Variants in FBN2 observed in about 807,000 individuals in gnomAD.
FBN2 encodes fibrillin-2.
A neutral mutation model predicts 355.6 loss-of-function variants in FBN2; 105 were observed. The observed-to-expected ratio is 0.30, with a 90% confidence interval of 0.25 to 0.35. The LOEUF is 0.35. Ranked by LOEUF, FBN2 falls within the 10% of genes least tolerant of loss-of-function variation. The pLI, the probability that FBN2 is intolerant of heterozygous loss-of-function variation, is 1.00. For synonymous variants in FBN2, 1,350 were observed against 1,301.2 expected, an observed-to-expected ratio of 1.04 and a Z score of -0.81; for missense variants, 3,280 against 3,758.7, an observed-to-expected ratio of 0.87 and a Z score of 3.33.
intron 7 of FBN2, among the ~76,000 whole-genome samples, chr5:128,423,394 C>G (rs1320813309): frequency 6.6e-6 from 1 of 152,138 alleles, no homozygotes; most frequent in African/African-American, 2.4e-5. Flanking sequence ...TCACATCTTA[C>G]ATGGTAGCAG....
chr5:128,351,005 T>C lies in FBN2; in HGVS notation c.2675A>G (p.Asp892Gly), dbSNP rs863223558. Reference protein sequence around the residue: ...KLSSTGLICIDSLKGTCWLNI... With the variant: ...KLSSTGLICIGSLKGTCWLNI... ...GAGCCAACAGGTCCCCTTCAGGCTG[T>C]CTGAAAAGGAACAGGAAAGGTTGGG... The change falls in exon 21 of 65, where the codon GAC becomes GGC. Residue 892 changes from aspartate to glycine, a missense_variant and splice_region_variant. Transcript: ENST00000262464. The C allele has an allele frequency of 3.1e-6, 5 of 1,614,064 alleles. No homozygotes were observed. The highest frequency in any genetic ancestry group is 4.2e-6 in the Non-Finnish European group (5 of 1,180,042).
At chr5:128,273,780 G>C (rs1334576233) in intron 61 of FBN2, 60 bp downstream of exon 61, 1 of 1,547,704 alleles carries the variant, frequency 6.5e-7, no homozygotes, top group East Asian at 2.3e-5. Flanking sequence ...TGTCTTGGAA[G>C]TTAAAAATAT....
chr5:128,327,567 T>C (rs2126885221), intron 34 of FBN2, among the ~76,000 whole-genome samples: 1 of 121,328 alleles, frequency 8.2e-6, no homozygotes, highest in Admixed American at 9.4e-5. Context: ...GCTCAGCAGT[T>C]AGGTATTTTT....
intron 8 of FBN2, among the ~76,000 whole-genome samples, chr5:128,403,174 C>A (rs1313207295): frequency 6.6e-6 from 1 of 152,008 alleles, no homozygotes; most frequent in Non-Finnish European, 1.5e-5. Flanking sequence ...CTGTACCTTG[C>A]CCTTTTCTTG....
At chr5:128,467,286 T>C (rs1754738809) in intron 5 of FBN2, among the ~76,000 whole-genome samples, 1 of 152,186 alleles carries the variant, frequency 6.6e-6, no homozygotes, top group Non-Finnish European at 1.5e-5. Flanking sequence ...TTGGCAGGAA[T>C]AGAGTTGACC....
intron 31 of FBN2, 72 bp from the exon 32 acceptor site, chr5:128,333,106 G>A (rs113800829): frequency 1.5e-6 from 2 of 1,343,312 alleles, no homozygotes; most frequent in Non-Finnish European, 1.1e-6. Context: ...GTATATTTTT[G>A]TATAGGTAAC....
chr5:128,415,946 T>A (rs1023248251), intron 7 of FBN2, among the ~76,000 whole-genome samples: 1 of 152,298 alleles, frequency 6.6e-6, no homozygotes, highest in Admixed American at 6.5e-5. Context: ...ATGTCTCTCA[T>A]GATTAGTAAT....
intron 4 of FBN2, among the ~76,000 whole-genome samples, chr5:128,522,026 A>C (rs1033848463): frequency 2.0e-5 from 3 of 152,210 alleles, no homozygotes; most frequent in African/African-American, 7.2e-5. Context: ...TGAATCAATA[A>C]ATATTTTAAA....
chr5:128,536,498 G>C lies in FBN2; in HGVS notation c.255-14C>G. ...CACACGTTGGGCCTGTGATGGACAA[G>C]CGCGGTCACGTAACAGATAGGTAGA... On this transcript the variant is annotated splice_polypyrimidine_tract_variant and intron_variant, in intron 1 of 64. Transcript: ENST00000262464. 6.2e-7 allele frequency: 1 copy of C among 1,606,628 alleles called. No individual in the cohort carries two copies. Among genetic ancestry groups the C allele is most frequent in the Non-Finnish European group, 8.5e-7 (1 of 1,174,020 alleles).
rs886038981 is a variant in FBN2 at position 128,259,713 on chromosome 5, G to C, written c.8481C>G (p.Pro2827=). ...TGACATAACGGATGTGGTTGTTGAG[G>C]GGCTGGATGGCGGGCCTTAGTTCCA... ...HILELRPAIQ[P]LNNHIRYVIS... Residue 2827 remains proline (P), a synonymous_variant, in exon 65 of 65, where the codon CCC becomes CCG. Coordinates refer to ENST00000262464, the MANE Select transcript of FBN2 (RefSeq NM_001999.4). The C allele has an allele frequency of 6.2e-7, 1 of 1,613,914 alleles. No homozygotes were observed. Among genetic ancestry groups the C allele is most frequent in the Non-Finnish European group, 8.5e-7 (1 of 1,179,900 alleles).
At chr5:128,274,499 A>C in intron 60 of FBN2, 68 bp downstream of exon 60, 1 of 862,294 alleles carries the variant, frequency 1.2e-6, no homozygotes, top group South Asian at 1.3e-5. Flanking sequence ...TCTGTTTATA[A>C]TTTTAAATAT....
At position 128,537,631 on chromosome 5, in the gene FBN2, G is replaced by C. The variant is rs1427859444; in HGVS notation, c.-28C>G. ...CCGGCGCCGAAAGCGCGCGGCCGTAGACCCGCGGAGAGGGAGTGATCAAAG... is the reference window on the plus strand; with the variant it reads ...CCGGCGCCGAAAGCGCGCGGCCGTACACCCGCGGAGAGGGAGTGATCAAAG... On this transcript the variant is annotated 5_prime_UTR_variant, in exon 1 of 65. Coordinates refer to ENST00000262464, the MANE Select transcript of FBN2 (RefSeq NM_001999.4). 6.3e-6 allele frequency: 10 copies of C among 1,599,622 alleles called. No individual in the cohort carries two copies. In the Middle Eastern group the frequency reaches 6.6e-4, roughly 105 times the overall value.
At chr5:128,384,151 GAATA>G (rs1157147133) in intron 11 of FBN2, among the ~76,000 whole-genome samples, 1 of 151,934 alleles carries the variant, frequency 6.6e-6, no homozygotes, top group Non-Finnish European at 1.5e-5. Flanking sequence ...AAGAATCACA[GAATA>G]ATTATGCTGA....
At chr5:128,391,342 G>A (rs1752504455) in intron 11 of FBN2, among the ~76,000 whole-genome samples, 1 of 152,102 alleles carries the variant, frequency 6.6e-6, no homozygotes, top group Admixed American at 6.5e-5. Context: ...AAGCAGCTAT[G>A]AGAATCCAGC....
intron 5 of FBN2, among the ~76,000 whole-genome samples, chr5:128,510,360 G>A (rs972850411): frequency 2.0e-5 from 3 of 152,246 alleles, no homozygotes; most frequent in Non-Finnish European, 4.4e-5. Flanking sequence ...TGAGCCACAG[G>A]TGGGGCAAAC....
At position 128,333,003 on chromosome 5, in the gene FBN2, G is replaced by A; in HGVS notation, c.4131C>T (p.Asn1377=). The A allele has an allele frequency of 6.2e-7, 1 of 1,612,210 alleles. No individual in the cohort carries two copies. The highest frequency in any genetic ancestry group is 8.5e-7 in the Non-Finnish European group (1 of 1,178,358). Reference sequence around the variant, plus strand: ...TCAGACATGAGGCATGCATGTCGCAGTTATGAGCACCAATTTCACACTCAT... The same window carrying A: ...TCAGACATGAGGCATGCATGTCGCAATTATGAGCACCAATTTCACACTCAT... The part of the protein sequence containing the change: ...DVDECEIGAH[N]CDMHASCLNI... The change falls in exon 32 of 65, where the codon AAC becomes AAT. Residue 1377 remains asparagine (N), a synonymous_variant. Coordinates refer to ENST00000262464, the MANE Select transcript of FBN2 (RefSeq NM_001999.4).
At chr5:128,495,305 G>A (rs1470086272) in intron 5 of FBN2, among the ~76,000 whole-genome samples, 1 of 152,014 alleles carries the variant, frequency 6.6e-6, no homozygotes, top group Non-Finnish European at 1.5e-5. Context: ...AAAGCTTCAG[G>A]GAAATGTGGG....
At chr5:128,510,487 C>T (rs1486421036) in intron 5 of FBN2, among the ~76,000 whole-genome samples, 1 of 152,116 alleles carries the variant, frequency 6.6e-6, no homozygotes, top group African/African-American at 2.4e-5. Flanking sequence ...TGCTTAGTGT[C>T]CAATATCATG....
At chr5:128,262,231 T>G (rs1161762450) in intron 63 of FBN2, among the ~76,000 whole-genome samples, 1 of 152,092 alleles carries the variant, frequency 6.6e-6, no homozygotes, top group Admixed American at 6.5e-5. Context: ...TTTTTAATTT[T>G]CATGTTTTGT....
Sources: allele counts gnomAD v4.1 joint callset (sites outside exome capture counted in the v4.1 genomes callset), GRCh38; gene constraint gnomAD v4.1.1; transcripts MANE v1.5; gene names NCBI Gene and HGNC (gene_info 2026-07-23, HGNC 2026-07-21).